The following SORCS1 variants were observed in gnomAD, a reference collection of about 807,000 sequenced individuals.
SORCS1 encodes sortilin related VPS10 domain containing receptor 1, also known as VPS10 domain-containing receptor SorCS1.
In SORCS1, 60 loss-of-function variants were observed where a neutral mutation model predicts 146.1. That is an observed-to-expected ratio of 0.41 (90% CI 0.33 to 0.51). SORCS1 has a LOEUF of 0.51. Among genes scored for constraint, SORCS1 ranks in the 20% least tolerant of loss-of-function variants. The pLI is 0.21. For synonymous variants in SORCS1, 637 were observed against 584.0 expected (o/e 1.09, Z -1.31); for missense variants, 1,352 against 1,487.6 (o/e 0.91, Z 1.50).
chr10:106,806,513 T>TTTC (rs1366010892), intron 3 of SORCS1, among the ~76,000 whole-genome samples: 1 of 105,986 alleles, frequency 9.4e-6, no homozygotes, highest in Non-Finnish European at 2.0e-5. Context: ...GCCTTTTTTT[T>TTTC]TTTTTTTTTT....
chr10:106,996,155 C>G (rs1406942238), intron 1 of SORCS1, among the ~76,000 whole-genome samples: 3 of 149,052 alleles, frequency 2.0e-5, no homozygotes, highest in African/African-American at 7.5e-5. Context: ...ACTGCTTGAA[C>G]TGGGGAGGCT....
chr10:106,828,110 T>C (rs1330270670), intron 3 of SORCS1, among the ~76,000 whole-genome samples: 1 of 152,216 alleles, frequency 6.6e-6, no homozygotes, highest in African/African-American at 2.4e-5. Flanking sequence ...AGGTAGGTAC[T>C]GTAACTGTCC....
chr10:107,146,091 A>G (rs1968298438), intron 1 of SORCS1, among the ~76,000 whole-genome samples: 1 of 152,198 alleles, frequency 6.6e-6, no homozygotes, highest in Non-Finnish European at 1.5e-5. Flanking sequence ...TTGAAGACAA[A>G]GCAGAGACAC....
At chr10:107,156,931 A>C (rs1275172114) in intron 1 of SORCS1, among the ~76,000 whole-genome samples, 1 of 152,176 alleles carries the variant, frequency 6.6e-6, no homozygotes, top group Non-Finnish European at 1.5e-5. Context: ...ATTACTGGGA[A>C]CCTCACTTCC....
At chr10:106,994,207 C>A (rs1956901540) in intron 1 of SORCS1, among the ~76,000 whole-genome samples, 1 of 151,952 alleles carries the variant, frequency 6.6e-6, no homozygotes, top group Admixed American at 6.6e-5. Flanking sequence ...TTTCAGGAAA[C>A]CTGCATGATA....
chr10:106,954,839 G>T (rs1341030134), intron 2 of SORCS1, among the ~76,000 whole-genome samples: 1 of 152,196 alleles, frequency 6.6e-6, no homozygotes, highest in Non-Finnish European at 1.5e-5. Flanking sequence ...CCTTCTGGTA[G>T]GGACTACCCA....
At chr10:106,806,516 T>TTTC (rs1589438066) in intron 3 of SORCS1, among the ~76,000 whole-genome samples, 1 of 109,456 alleles carries the variant, frequency 9.1e-6, no homozygotes, top group East Asian at 3.0e-4. Context: ...TTTTTTTTTT[T>TTTC]TTTTTTTTTT....
intron 1 of SORCS1, among the ~76,000 whole-genome samples, chr10:106,966,120 G>A (rs2139131886): frequency 6.6e-6 from 1 of 152,322 alleles, no homozygotes; most frequent in Middle Eastern, 3.4e-3. Context: ...GATTTCCACA[G>A]ATGGTTTTAC....
At chr10:107,089,900 C>G (rs1257482453) in intron 1 of SORCS1, among the ~76,000 whole-genome samples, 1 of 152,176 alleles carries the variant, frequency 6.6e-6, no homozygotes, top group East Asian at 1.9e-4. Context: ...CTTATTCCAT[C>G]CAGCATTACA....
intron 2 of SORCS1, among the ~76,000 whole-genome samples, chr10:106,882,004 G>A (rs904116033): frequency 1.3e-5 from 2 of 152,120 alleles, no homozygotes; most frequent in African/African-American, 2.4e-5. Flanking sequence ...GATGCTCCAC[G>A]GAGGCAATAA....
intron 3 of SORCS1, among the ~76,000 whole-genome samples, chr10:106,809,410 A>T (rs745721244): frequency 6.6e-6 from 1 of 151,984 alleles, no homozygotes; most frequent in African/African-American, 2.4e-5. Context: ...TCCAATCTGT[A>T]CTGGGCTCCC....
intron 1 of SORCS1, among the ~76,000 whole-genome samples, chr10:107,134,070 G>A (rs1967071086): frequency 1.3e-5 from 2 of 152,126 alleles, no homozygotes; most frequent in Admixed American, 1.3e-4. Flanking sequence ...TAGTAGCAGT[G>A]CTAGTAGTAG....
intron 4 of SORCS1, among the ~76,000 whole-genome samples, chr10:106,764,778 C>A (rs565952777): frequency 4.6e-5 from 7 of 152,242 alleles, no homozygotes; most frequent in Admixed American, 4.6e-4. Flanking sequence ...AATCCCAGCA[C>A]TTTGGGAGGG....
chr10:106,675,149 A>C lies in SORCS1; in HGVS notation c.1840T>G (p.Phe614Val). ...SLPIRHLWLS[F>V]DEGRSWSKYS... ...TTGCTCCAAGATCTCCCTTCATCAAAACTCAACCTAATGATATAAAAAATA... is the reference window on the plus strand; with the variant it reads ...TTGCTCCAAGATCTCCCTTCATCAACACTCAACCTAATGATATAAAAAATA... The change falls in exon 14 of 26, where the codon TTT becomes GTT. Residue 614 changes from phenylalanine (F) to valine (V), a missense_variant. Phe to Val is a conservative substitution (Grantham distance 50). This residue lies in a region of SORCS1 where 648 missense variants were observed against 793.8 expected (regional missense o/e 0.82). Coordinates refer to ENST00000263054, the MANE Select transcript of SORCS1 (RefSeq NM_052918.5). 6.2e-7 allele frequency: 1 copy of C among 1,611,740 alleles called. No homozygotes were observed. Among genetic ancestry groups the C allele is most frequent in the Non-Finnish European group, 8.5e-7 (1 of 1,178,186 alleles).
At chr10:106,725,950 A>T (rs1405711941) in intron 6 of SORCS1, among the ~76,000 whole-genome samples, 2 of 123,894 alleles carry the variant, frequency 1.6e-5, no homozygotes, top group Non-Finnish European at 1.8e-5. Context: ...AAAAAAAAAA[A>T]ATAGGAAATG....
chr10:106,794,501 C>CTT (rs35647552), intron 3 of SORCS1, among the ~76,000 whole-genome samples: 105 of 126,056 alleles, frequency 8.3e-4, no homozygotes, highest in Non-Finnish European at 1.2e-3. Context: ...TTTTCTTTTT[C>CTT]TTTTTTTTTT....
chr10:106,896,201 G>A (rs996383602), intron 2 of SORCS1, among the ~76,000 whole-genome samples: 13 of 152,174 alleles, frequency 8.5e-5, no homozygotes, highest in Admixed American at 5.2e-4. Context: ...GGCCAAGGCG[G>A]GTGGATCACC....
intron 3 of SORCS1, among the ~76,000 whole-genome samples, chr10:106,825,812 C>T (rs1167956768): frequency 1.3e-5 from 2 of 152,152 alleles, no homozygotes; most frequent in African/African-American, 2.4e-5. Context: ...GCACTGGGAC[C>T]ACTCAGCCTT....
chr10:106,855,916 G>A (rs919560808), intron 2 of SORCS1, among the ~76,000 whole-genome samples: 4 of 152,080 alleles, frequency 2.6e-5, no homozygotes, highest in Non-Finnish European at 4.4e-5. Flanking sequence ...TGGATTGTTT[G>A]CCTCTTAGAA....
Sources: gnomAD v4.1 joint callset for allele counts (sites outside exome capture counted in the v4.1 genomes callset) on GRCh38, gnomAD v4.1.1 for gene constraint, gnomAD v4.1.1 regional missense constraint, MANE v1.5 for transcripts, NCBI Gene and HGNC (gene_info 2026-07-23, HGNC 2026-07-21) for gene names.